Variants in EPHB1 observed in about 807,000 individuals in gnomAD.
EPHB1 encodes the protein EPH receptor B1.
EPHB1 carries 30 observed loss-of-function variants against 94.4 expected under a neutral mutation model. That is an observed-to-expected ratio of 0.32 (90% CI 0.24 to 0.43). The LOEUF is 0.43. EPHB1 is among the 20% of genes least tolerant of loss of function. The probability of loss-of-function intolerance (pLI) is 1.00; values close to 1 mark genes in which losing one functional copy is unlikely to be tolerated. For missense variants in EPHB1, 1,055 were observed against 1,308.3 expected (o/e 0.81, Z 2.99); for synonymous variants, 522 against 489.1 (o/e 1.07, Z -0.89).
At chr3:134,940,655 G>C (rs927605672) in intron 2 of EPHB1, among the ~76,000 whole-genome samples, 2 of 152,210 alleles carry the variant, frequency 1.3e-5, no homozygotes, top group African/African-American at 4.8e-5. Context: ...GTTTCATTCA[G>C]ATCTCAGCTC....
At chr3:135,228,793 G>A (rs1203371667) in intron 12 of EPHB1, among the ~76,000 whole-genome samples, 6 of 152,128 alleles carry the variant, frequency 3.9e-5, no homozygotes, top group Non-Finnish European at 8.8e-5. Context: ...CTCTGGGAAA[G>A]TAAAACACAA....
chr3:135,171,176 A>G (rs928376336), intron 9 of EPHB1, among the ~76,000 whole-genome samples: 1 of 152,174 alleles, frequency 6.6e-6, no homozygotes, highest in Non-Finnish European at 1.5e-5. Context: ...TTAAGAAAAA[A>G]AAATATGAGG....
chr3:135,220,511 GA>G (rs1943251181), intron 12 of EPHB1, among the ~76,000 whole-genome samples: 1 of 151,314 alleles, frequency 6.6e-6, no homozygotes, highest in Non-Finnish European at 1.5e-5. Flanking sequence ...AGGGCGTAGA[GA>G]AAAGCTCAAA....
intron 3 of EPHB1, among the ~76,000 whole-genome samples, chr3:134,982,658 T>A (rs527939980): frequency 6.6e-6 from 1 of 152,234 alleles, no homozygotes; most frequent in South Asian, 2.1e-4. Context: ...CTCACTCGGC[T>A]GCTAAAAAGG....
chr3:134,908,587 C>A (rs2038385919), intron 1 of EPHB1, among the ~76,000 whole-genome samples: 1 of 152,180 alleles, frequency 6.6e-6, no homozygotes, highest in Non-Finnish European at 1.5e-5. Flanking sequence ...AGGACAGGGG[C>A]AGGGCTGGGA....
chr3:135,087,828 G>T (rs1041931365), intron 3 of EPHB1, among the ~76,000 whole-genome samples: 18 of 152,118 alleles, frequency 1.2e-4, no homozygotes, highest in Non-Finnish European at 2.6e-4. Flanking sequence ...GGGTCCTGTG[G>T]AAAAAGCAGC....
chr3:135,132,493 G>A (rs1450129552), intron 4 of EPHB1, among the ~76,000 whole-genome samples: 2 of 152,158 alleles, frequency 1.3e-5, no homozygotes, highest in Admixed American at 1.3e-4. Flanking sequence ...AAGAAGAAAA[G>A]CCTCAGTGAA....
chr3:135,109,883 C>T (rs1939372970), intron 4 of EPHB1, among the ~76,000 whole-genome samples: 1 of 152,210 alleles, frequency 6.6e-6, no homozygotes, highest in South Asian at 2.1e-4. Flanking sequence ...GCTCCTCACA[C>T]TGAGACACAC....
chr3:135,227,818 C>T (rs1404054277), intron 12 of EPHB1, among the ~76,000 whole-genome samples: 1 of 152,064 alleles, frequency 6.6e-6, no homozygotes, highest in Non-Finnish European at 1.5e-5. Flanking sequence ...AACATTTGCC[C>T]GGATTCTTTA....
At chr3:135,107,450 AATGTGG>A (rs1193342547) in intron 4 of EPHB1, among the ~76,000 whole-genome samples, 1 of 152,188 alleles carries the variant, frequency 6.6e-6, no homozygotes, top group East Asian at 1.9e-4. Context: ...GTAGCCCTGA[AATGTGG>A]ATGACCTCTC....
chr3:135,041,855 G>C (rs1936855931), intron 3 of EPHB1, among the ~76,000 whole-genome samples: 1 of 152,046 alleles, frequency 6.6e-6, no homozygotes, highest in Non-Finnish European at 1.5e-5. Flanking sequence ...GTGGAAAGCA[G>C]ATGGGCAAAG....
intron 1 of EPHB1, among the ~76,000 whole-genome samples, chr3:134,907,913 G>A (rs2038369744): frequency 6.6e-6 from 1 of 152,130 alleles, no homozygotes; most frequent in Non-Finnish European, 1.5e-5. Flanking sequence ...CCCTCTCCGG[G>A]CCTCCAACAT....
rs550565118 is a variant in EPHB1 at position 134,875,816 on chromosome 3, G to T, written c.59-50000G>T. Reference sequence around the variant, plus strand: ...AGACATCCCAAATAGAATAGGTCAGGGAAGTGGCCACAGGGCCTCTTTTGA... The same window carrying T: ...AGACATCCCAAATAGAATAGGTCAGTGAAGTGGCCACAGGGCCTCTTTTGA... On this transcript the variant is annotated intron_variant, in intron 1 of 15. Coordinates refer to ENST00000398015, the MANE Select transcript of EPHB1 (RefSeq NM_004441.5). 8.5e-5 allele frequency among the ~76,000 whole-genome samples: 13 copies of T among 152,222 alleles called. No individual in the cohort carries two copies. In the East Asian group the frequency reaches 2.3e-3, roughly 27 times the overall value.
At chr3:134,982,030 T>G (rs1934419323) in intron 3 of EPHB1, among the ~76,000 whole-genome samples, 1 of 152,256 alleles carries the variant, frequency 6.6e-6, no homozygotes, top group Non-Finnish European at 1.5e-5. Context: ...ATGAGTAAGT[T>G]TAACTTCACA....
At chr3:134,824,108 A>G (rs1438646071) in intron 1 of EPHB1, among the ~76,000 whole-genome samples, 2 of 150,628 alleles carry the variant, frequency 1.3e-5, no homozygotes, top group Non-Finnish European at 3.0e-5. Context: ...CTGAATGTTT[A>G]CAAAAAGGAT....
At chr3:135,112,536 C>T (rs1336803690) in intron 4 of EPHB1, among the ~76,000 whole-genome samples, 2 of 99,470 alleles carry the variant, frequency 2.0e-5, no homozygotes, top group Non-Finnish European at 3.8e-5. Context: ...CTATCCCTCC[C>T]CCCTCCCCCC....
intron 1 of EPHB1, among the ~76,000 whole-genome samples, chr3:134,796,887 T>C (rs1227627266): frequency 6.6e-6 from 1 of 152,234 alleles, no homozygotes; most frequent in East Asian, 1.9e-4. Flanking sequence ...CTCGCTCCGC[T>C]TGTTACTCGT....
At chr3:134,985,546 A>G (rs1413367939) in intron 3 of EPHB1, among the ~76,000 whole-genome samples, 2 of 152,220 alleles carry the variant, frequency 1.3e-5, no homozygotes, top group Non-Finnish European at 2.9e-5. Flanking sequence ...TTATTTCACC[A>G]GAGATTCAAA....
chr3:134,842,701 C>T (rs2036799098), intron 1 of EPHB1, among the ~76,000 whole-genome samples: 1 of 152,146 alleles, frequency 6.6e-6, no homozygotes, highest in African/African-American at 2.4e-5. Flanking sequence ...CATGTCTTTC[C>T]CATCTCCACA....
Sources: allele counts gnomAD v4.1 joint callset (sites outside exome capture counted in the v4.1 genomes callset), GRCh38; gene constraint gnomAD v4.1.1; transcripts MANE v1.5; gene names NCBI Gene and HGNC (gene_info 2026-07-23, HGNC 2026-07-21).